Variants in NTRK3 observed in about 807,000 individuals in gnomAD.
NTRK3 encodes NT-3 growth factor receptor.
In NTRK3, 24 loss-of-function variants were observed where a neutral mutation model predicts 91.7. The ratio of observed to expected loss-of-function variants is 0.26; its 90% CI spans 0.19 to 0.37. The LOEUF (loss-of-function observed/expected upper bound fraction) is 0.37, where lower values mean the gene tolerates loss of function less well. Ranked by LOEUF, NTRK3 falls within the 10% of genes least tolerant of loss-of-function variation. The pLI is 1.00. For missense variants in NTRK3, 880 were observed against 1,068.9 expected (o/e 0.82, Z 2.46); for synonymous variants, 483 against 404.0 (o/e 1.20, Z -2.34).
chr15:88,096,940 G>A (rs1289567124), intron 13 of NTRK3, among the ~76,000 whole-genome samples: 7 of 152,148 alleles, frequency 4.6e-5, no homozygotes, highest in Non-Finnish European at 1.0e-4. Flanking sequence ...GACTTTTGGA[G>A]AACCAAAACT....
At chr15:88,170,713 T>C (rs1000606244) in intron 5 of NTRK3, among the ~76,000 whole-genome samples, 1 of 152,142 alleles carries the variant, frequency 6.6e-6, no homozygotes. Flanking sequence ...ACGTAGGCTA[T>C]GGATCAGGGT....
intron 17 of NTRK3, among the ~76,000 whole-genome samples, chr15:87,917,388 C>A (rs770105359): frequency 6.6e-6 from 1 of 152,182 alleles, no homozygotes; most frequent in Non-Finnish European, 1.5e-5. Flanking sequence ...GATTTTGATG[C>A]TATTCTGCCT....
rs531174729 is a variant in NTRK3, at chr15:88,203,893, A to G, written c.249-19594T>C. Among the ~76,000 whole-genome samples, 3 of 152,310 alleles carry G rather than the reference A, an allele frequency of 2.0e-5. No homozygotes were observed. In the East Asian group the frequency reaches 5.8e-4, roughly 29 times the overall value. On this transcript the variant is annotated intron_variant, in intron 3 of 18. Transcript: ENST00000394480. ...TTTTTTTAAATGTTACTTTAAGTTC[A>G]GGGATACATGTGCAGAATGTGCAGG...
chr15:88,248,544 G>T (rs1288067921), intron 3 of NTRK3, among the ~76,000 whole-genome samples: 1 of 152,132 alleles, frequency 6.6e-6, no homozygotes, highest in Non-Finnish European at 1.5e-5. Context: ...GTGTGCATGT[G>T]TGCATATATA....
chr15:88,168,667 T>A (rs2045224095), intron 5 of NTRK3, among the ~76,000 whole-genome samples: 1 of 152,168 alleles, frequency 6.6e-6, no homozygotes, highest in Non-Finnish European at 1.5e-5. Context: ...GCTGCCCACC[T>A]CAGGGACACA....
intron 14 of NTRK3, among the ~76,000 whole-genome samples, chr15:88,001,978 C>T (rs1340986860): frequency 2.0e-5 from 3 of 151,762 alleles, no homozygotes; most frequent in Admixed American, 6.6e-5. Context: ...TACATACATG[C>T]CAGTTGTTGA....
intron 13 of NTRK3, among the ~76,000 whole-genome samples, chr15:88,057,232 C>T (rs2045794234): frequency 6.7e-6 from 1 of 149,984 alleles, no homozygotes; most frequent in African/African-American, 2.5e-5. Flanking sequence ...TGCAGTGGCT[C>T]ACACCTGTAA....
At chr15:87,940,281 A>T (rs1343712968) in intron 15 of NTRK3, among the ~76,000 whole-genome samples, 1 of 152,238 alleles carries the variant, frequency 6.6e-6, no homozygotes, top group Non-Finnish European at 1.5e-5. Flanking sequence ...AGGCACAGAC[A>T]GCACGTCCTG....
At chr15:87,926,321 C>A (rs184493246) in intron 17 of NTRK3, among the ~76,000 whole-genome samples, 3 of 152,114 alleles carry the variant, frequency 2.0e-5, no homozygotes, top group African/African-American at 7.2e-5. Context: ...GAAGATATGC[C>A]ACAAGCTGGT....
intron 5 of NTRK3, among the ~76,000 whole-genome samples, chr15:88,164,514 T>G (rs1162466512): frequency 6.6e-6 from 1 of 152,220 alleles, no homozygotes; most frequent in African/African-American, 2.4e-5. Flanking sequence ...GCAGAGTACA[T>G]CTGACAGCTA....
At chr15:87,986,327 A>G (rs1238174520) in intron 14 of NTRK3, among the ~76,000 whole-genome samples, 1 of 152,218 alleles carries the variant, frequency 6.6e-6, no homozygotes, top group Non-Finnish European at 1.5e-5. Flanking sequence ...TCCAGCATTA[A>G]CAATTTATAA....
At chr15:87,959,226 T>G (rs1446674760) in intron 14 of NTRK3, among the ~76,000 whole-genome samples, 1 of 152,194 alleles carries the variant, frequency 6.6e-6, no homozygotes, top group Non-Finnish European at 1.5e-5. Flanking sequence ...ATTTGTTTGT[T>G]TATCATCTGG....
intron 3 of NTRK3, among the ~76,000 whole-genome samples, chr15:88,236,935 G>C (rs2051842555): frequency 6.6e-6 from 1 of 152,114 alleles, no homozygotes. Flanking sequence ...CTCTCACTGG[G>C]TTTGGGTCCC....
chr15:87,895,712 G>T (rs1437675122), intron 17 of NTRK3, among the ~76,000 whole-genome samples: 1 of 151,938 alleles, frequency 6.6e-6, no homozygotes. Context: ...CAACCTGCTC[G>T]CTCTCTGAAG....
chr15:87,908,793 G>A (rs1197606534), intron 17 of NTRK3, among the ~76,000 whole-genome samples: 3 of 152,022 alleles, frequency 2.0e-5, no homozygotes, highest in African/African-American at 7.2e-5. Flanking sequence ...TCTGGAGTCC[G>A]CCCAGAAACA....
At chr15:87,953,115 A>G (rs2071310508) in intron 14 of NTRK3, among the ~76,000 whole-genome samples, 1 of 152,162 alleles carries the variant, frequency 6.6e-6, no homozygotes, top group Non-Finnish European at 1.5e-5. Context: ...CCCACACCAG[A>G]TGTTAAACGC....
At chr15:88,184,349 G>T in intron 3 of NTRK3, 50 bp from the exon 4 acceptor site, 1 of 1,571,810 alleles carries the variant, frequency 6.4e-7, no homozygotes, top group Non-Finnish European at 8.7e-7. Flanking sequence ...ACAGAAATGG[G>T]GCTGGCTTTG....
intron 14 of NTRK3, among the ~76,000 whole-genome samples, chr15:87,990,131 T>G (rs1404111678): frequency 6.6e-6 from 1 of 152,148 alleles, no homozygotes; most frequent in Non-Finnish European, 1.5e-5. Flanking sequence ...AGTACAACAG[T>G]CTTCAGCTAG....
rs2041715665 is a variant in NTRK3, at chr15:88,134,796, A to G, written c.1204+305T>C. Among the ~76,000 whole-genome samples, 2 of 152,336 alleles carry G rather than the reference A, an allele frequency of 1.3e-5. 1 individual carries two copies. The highest frequency in any genetic ancestry group is 4.1e-4 in the South Asian group (2 of 4,824). Reference sequence around the variant, plus strand: ...AGGCCCAGAGTCTCCCCACAAGTAAAGGGCTGGGTCAGAATTCTCTACCAT... The same window carrying G: ...AGGCCCAGAGTCTCCCCACAAGTAAGGGGCTGGGTCAGAATTCTCTACCAT... On this transcript the variant is annotated intron_variant, in intron 10 of 18. Coordinates refer to ENST00000394480, the Ensembl canonical transcript of NTRK3.
Sources: gnomAD v4.1 joint callset for allele counts (sites outside exome capture counted in the v4.1 genomes callset) on GRCh38, gnomAD v4.1.1 for gene constraint, MANE v1.5 for transcripts, NCBI Gene and HGNC (gene_info 2026-07-23, HGNC 2026-07-21) for gene names.